Variants in SHOC2 observed in about 807,000 individuals in gnomAD.
SHOC2 encodes the protein SHOC2 leucine rich repeat scaffold protein.
Under a neutral mutation model 50.2 loss-of-function variants are expected in SHOC2, and 4 were observed. The ratio of observed to expected loss-of-function variants is 0.08; its 90% CI spans 0.04 to 0.18. The LOEUF is 0.18. Ranked by LOEUF, SHOC2 falls within the 10% of genes least tolerant of loss-of-function variation. SHOC2 has a pLI of 1.00. For synonymous variants in SHOC2, 218 were observed against 244.5 expected (o/e 0.89, Z 1.01); for missense variants, 388 against 669.6 (o/e 0.58, Z 4.64).
At chr10:110,970,769 A>G (rs535750978) in intron 2 of SHOC2, among the ~76,000 whole-genome samples, 7 of 149,312 alleles carry the variant, frequency 4.7e-5, no homozygotes, top group East Asian at 3.9e-4. Flanking sequence ...AGCCATTCCA[A>G]TAGGGTTGAG....
intron 1 of SHOC2, among the ~76,000 whole-genome samples, chr10:110,951,151 A>G (rs1254639253): frequency 6.6e-6 from 1 of 152,244 alleles, no homozygotes; most frequent in East Asian, 1.9e-4. Context: ...ATAAAGGCTT[A>G]ATATCCAAAA....
intron 1 of SHOC2, among the ~76,000 whole-genome samples, chr10:110,957,883 T>G (rs1420371411): frequency 6.6e-6 from 1 of 152,200 alleles, no homozygotes; most frequent in Non-Finnish European, 1.5e-5. Flanking sequence ...AAACTTTGCC[T>G]TTCATGTTCT....
At chr10:110,986,547 C>T (rs1326439518) in intron 3 of SHOC2, among the ~76,000 whole-genome samples, 1 of 152,058 alleles carries the variant, frequency 6.6e-6, no homozygotes, top group Non-Finnish European at 1.5e-5. Context: ...GATCTTTGCT[C>T]ACTGCAGCCT....
At chr10:111,008,442 C>G (rs1042846474) in intron 6 of SHOC2, among the ~76,000 whole-genome samples, 1 of 151,798 alleles carries the variant, frequency 6.6e-6, no homozygotes, top group East Asian at 1.9e-4. Context: ...GTGTAATTAT[C>G]TCTGTATATT....
At chr10:110,940,320 TTTC>T (rs1029173584) in intron 1 of SHOC2, among the ~76,000 whole-genome samples, 16 of 152,322 alleles carry the variant, frequency 1.1e-4, no homozygotes, top group Non-Finnish European at 8.8e-5. Context: ...TGTTCTTCTA[TTTC>T]TTCTTCTGTG....
intron 1 of SHOC2, among the ~76,000 whole-genome samples, chr10:110,924,236 G>A (rs80017748): frequency 0.017 from 2,513 of 152,250 alleles, 44 homozygotes; most frequent in Middle Eastern, 0.027. Flanking sequence ...CCTTCTTTCA[G>A]TAAGTTCAGA....
intron 4 of SHOC2, among the ~76,000 whole-genome samples, chr10:111,001,706 AGTAT>A (rs1848379508): frequency 6.6e-6 from 1 of 152,068 alleles, no homozygotes; most frequent in South Asian, 2.1e-4. Flanking sequence ...AGTTTTTCTG[AGTAT>A]GTGTGTGTGT....
intron 1 of SHOC2, among the ~76,000 whole-genome samples, chr10:110,940,310 T>C (rs1294398824): frequency 3.3e-5 from 5 of 152,188 alleles, no homozygotes; most frequent in Admixed American, 3.3e-4. Context: ...TTGTGGTGTA[T>C]GTTCTTCTAT....
chr10:110,942,293 C>G (rs1847162916), intron 1 of SHOC2, among the ~76,000 whole-genome samples: 1 of 152,076 alleles, frequency 6.6e-6, no homozygotes, highest in Admixed American at 6.5e-5. Context: ...TTCTAAAGTT[C>G]TAATTTTTAT....
At chr10:110,994,043 G>C (rs1005664308) in intron 3 of SHOC2, among the ~76,000 whole-genome samples, 2 of 152,060 alleles carry the variant, frequency 1.3e-5, no homozygotes, top group Non-Finnish European at 2.9e-5. Context: ...TGTTACAATG[G>C]ATCAACTTTC....
At chr10:110,989,147 C>T in intron 3 of SHOC2, 1 of 440,832 alleles carries the variant, frequency 2.3e-6, no homozygotes, top group Non-Finnish European at 4.3e-6. Context: ...ATTCCATGTG[C>T]AGTTTAATGT....
chr10:110,985,697 G>C lies in SHOC2; in HGVS notation c.773G>C (p.Gly258Ala), dbSNP rs766387833. 6.2e-7 allele frequency: 1 copy of C among 1,612,558 alleles called. No individual in the cohort carries two copies. Among genetic ancestry groups the C allele is most frequent in the South Asian group, 1.1e-5 (1 of 91,002 alleles). The change falls in exon 3 of 9, where the codon GGA (glycine) becomes GCA (alanine). Residue 258 changes from glycine to alanine, a missense_variant. Transcript: ENST00000369452. ...CTTGAACACCTTCCAAAGGAGATTG[G>C]AAACTGTACACAGATAACCAACCTT... The part of the protein sequence containing the change: ...NQLEHLPKEI[G>A]NCTQITNLDL...
At chr10:110,999,428 G>A (rs374409803) in intron 3 of SHOC2, among the ~76,000 whole-genome samples, 11 of 152,102 alleles carry the variant, frequency 7.2e-5, no homozygotes, top group African/African-American at 2.7e-4. Flanking sequence ...ATGTAGTCTT[G>A]GCAAGAAAAG....
chr10:110,962,522 G>C lies in SHOC2; in HGVS notation c.-234-1603G>C, dbSNP rs372439419. ...TAGATAGAGCTCTCCTGGTGTGCTA[G>C]CAAATAATGATGTATTTGTTTAATT... On this transcript the variant is annotated intron_variant, in intron 1 of 8. Transcript: ENST00000369452. Among the ~76,000 whole-genome samples the C allele has an allele frequency of 3.3e-5, 5 of 151,990 alleles. No homozygotes were observed. The East Asian group carries it at 5.8e-4, about 18-fold the overall frequency.
chr10:110,971,503 CT>C (rs1847781945), intron 2 of SHOC2, among the ~76,000 whole-genome samples: 1 of 151,934 alleles, frequency 6.6e-6, no homozygotes, highest in African/African-American at 2.4e-5. Context: ...CAATTTTGTC[CT>C]TTTTGCCCAG....
At chr10:110,928,885 A>G (rs1846831915) in intron 1 of SHOC2, among the ~76,000 whole-genome samples, 1 of 152,132 alleles carries the variant, frequency 6.6e-6, no homozygotes, top group Non-Finnish European at 1.5e-5. Flanking sequence ...ACACATCCAG[A>G]CCCTGTCTCA....
rs143187497 is a variant in SHOC2, at chr10:111,011,821, T to C, written c.*3T>C. ...GTCCATATCGTGCCATGGTCTGATATAAATCTGCTGGTCCCACACACTGTT... is the reference window on the plus strand; with the variant it reads ...GTCCATATCGTGCCATGGTCTGATACAAATCTGCTGGTCCCACACACTGTT... On this transcript the variant is annotated 3_prime_UTR_variant, in exon 9 of 9. Transcript: ENST00000369452. The C allele has an allele frequency of 1.5e-3, 2,385 of 1,610,092 alleles. 3 individuals are homozygous for C. The highest frequency in any genetic ancestry group is 1.9e-3 in the Non-Finnish European group (2,232 of 1,176,342).
intron 3 of SHOC2, among the ~76,000 whole-genome samples, chr10:110,990,778 AAC>A (rs1355224977): frequency 1.3e-5 from 2 of 152,166 alleles, no homozygotes; most frequent in African/African-American, 2.4e-5. Flanking sequence ...AACAAAAAAA[AAC>A]ACAACAAAAT....
At chr10:110,975,072 C>G (rs1015050425) in intron 2 of SHOC2, among the ~76,000 whole-genome samples, 3 of 151,844 alleles carry the variant, frequency 2.0e-5, no homozygotes, top group Non-Finnish European at 4.4e-5. Flanking sequence ...AACAGTGATA[C>G]AATACAATAA....
Sources: allele counts gnomAD v4.1 joint callset (sites outside exome capture counted in the v4.1 genomes callset), GRCh38; gene constraint gnomAD v4.1.1; transcripts MANE v1.5; gene names NCBI Gene and HGNC (gene_info 2026-07-23, HGNC 2026-07-21).